SUGCT: variants seen among roughly 807,000 people sequenced by gnomAD.
The protein encoded by SUGCT is succinyl-CoA:glutarate CoA-transferase.
In SUGCT, 41 loss-of-function variants were observed where a neutral mutation model predicts 55.0. The observed-to-expected ratio is 0.74, with a 90% CI of 0.58 to 0.97. SUGCT has a LOEUF of 0.97. Among genes scored for constraint, SUGCT ranks in the 50% least tolerant of loss-of-function variants. The pLI is 0.00. For synonymous variants in SUGCT, 187 were observed against 200.4 expected (o/e 0.93, Z 0.56); for missense variants, 568 against 547.8 (o/e 1.04, Z -0.37).
chr7:40,672,492 G>A (rs1380767309), intron 12 of SUGCT, among the ~76,000 whole-genome samples: 1 of 152,114 alleles, frequency 6.6e-6, no homozygotes, highest in Admixed American at 6.5e-5. Context: ...CCTTTTATAT[G>A]TACATTCTTG....
chr7:40,781,817 T>C (rs1474524972), intron 13 of SUGCT, among the ~76,000 whole-genome samples: 1 of 152,164 alleles, frequency 6.6e-6, no homozygotes, highest in Non-Finnish European at 1.5e-5. Context: ...CAAATGGTTA[T>C]CCCTGTTTTC....
the SUGCT span, among the ~76,000 whole-genome samples, chr7:40,910,705 A>G: frequency 6.6e-6 from 1 of 151,922 alleles, no homozygotes; most frequent in South Asian, 2.1e-4. Flanking sequence ...ATAAGTGCTA[A>G]TAATAATGGT....
the SUGCT span, among the ~76,000 whole-genome samples, chr7:40,993,305 C>T: frequency 6.6e-6 from 1 of 152,070 alleles, no homozygotes; most frequent in African/African-American, 2.4e-5. Context: ...GTTCTGTGCA[C>T]TGTGTTTGCT....
intron 9 of SUGCT, among the ~76,000 whole-genome samples, chr7:40,413,495 A>G (rs1365974361): frequency 2.6e-5 from 4 of 152,200 alleles, no homozygotes; most frequent in Non-Finnish European, 4.4e-5. Flanking sequence ...CTTTAAGAAA[A>G]TAGAGGAAAA....
chr7:40,713,479 G>A (rs766939408), intron 12 of SUGCT, among the ~76,000 whole-genome samples: 66 of 152,310 alleles, frequency 4.3e-4, no homozygotes, highest in Admixed American at 1.0e-3. Context: ...CATGGTCAGG[G>A]TGTTATCACA....
intron 12 of SUGCT, among the ~76,000 whole-genome samples, chr7:40,710,541 C>T (rs537195868): frequency 1.3e-5 from 2 of 152,064 alleles, no homozygotes; most frequent in Admixed American, 1.3e-4. Flanking sequence ...TCCTCTAGAT[C>T]TTCATAAAAA....
intron 12 of SUGCT, among the ~76,000 whole-genome samples, chr7:40,636,181 G>C (rs1800013626): frequency 6.6e-6 from 1 of 152,198 alleles, no homozygotes; most frequent in Non-Finnish European, 1.5e-5. Flanking sequence ...GCTTGTCTCT[G>C]TTTCACATGA....
chr7:40,781,987 G>T (rs1409536782), intron 13 of SUGCT, among the ~76,000 whole-genome samples: 4 of 152,048 alleles, frequency 2.6e-5, no homozygotes, highest in Non-Finnish European at 5.9e-5. Flanking sequence ...AAATGTTAAA[G>T]ACAATGTTAT....
At chr7:40,219,890 TAAC>T (rs201694063) in intron 6 of SUGCT, among the ~76,000 whole-genome samples, 2,657 of 152,226 alleles carry the variant, frequency 0.017, 73 homozygotes, top group African/African-American at 0.062. Flanking sequence ...CACTCCCTTA[TAAC>T]AAGTGTCAAT....
chr7:40,898,783 C>T, the SUGCT span, among the ~76,000 whole-genome samples: 1 of 151,970 alleles, frequency 6.6e-6, no homozygotes, highest in Non-Finnish European at 1.5e-5. Flanking sequence ...ATTCTGGACA[C>T]AAAATGGGGT....
At chr7:40,650,679 A>G (rs1401036235) in intron 12 of SUGCT, among the ~76,000 whole-genome samples, 1 of 152,190 alleles carries the variant, frequency 6.6e-6, no homozygotes, top group Non-Finnish European at 1.5e-5. Flanking sequence ...GTTGCCTCAT[A>G]TTGCAGAATT....
the SUGCT span, among the ~76,000 whole-genome samples, chr7:40,881,188 C>G: frequency 1.3e-5 from 2 of 152,160 alleles, no homozygotes; most frequent in East Asian, 3.9e-4. Context: ...AGGCACCCAT[C>G]ATTAACTACT....
At chr7:40,389,813 A>T (rs905393213) in intron 9 of SUGCT, among the ~76,000 whole-genome samples, 1 of 152,006 alleles carries the variant, frequency 6.6e-6, no homozygotes, top group Non-Finnish European at 1.5e-5. Context: ...TGCACAGGCT[A>T]TGGCAGAGAC....
intron 7 of SUGCT, among the ~76,000 whole-genome samples, chr7:40,264,003 C>G (rs543703628): frequency 2.6e-5 from 4 of 152,084 alleles, no homozygotes; most frequent in Non-Finnish European, 1.5e-5. Flanking sequence ...AAATGATCTT[C>G]CTGTTCTGGT....
the SUGCT span, among the ~76,000 whole-genome samples, chr7:40,959,939 C>T: frequency 9.4e-4 from 143 of 152,258 alleles, no homozygotes; most frequent in Admixed American, 1.3e-3. Context: ...AGTTCCCTGA[C>T]CCCTTGTGCT....
At chr7:40,630,352 A>G (rs1230849259) in intron 12 of SUGCT, among the ~76,000 whole-genome samples, 1 of 152,152 alleles carries the variant, frequency 6.6e-6, no homozygotes, top group East Asian at 1.9e-4. Context: ...TTCTTCATCC[A>G]TGGCTTGATT....
chr7:40,285,343 G>A (rs937429733), intron 8 of SUGCT, among the ~76,000 whole-genome samples: 5 of 151,938 alleles, frequency 3.3e-5, no homozygotes, highest in Non-Finnish European at 5.9e-5. Context: ...TAATGATATC[G>A]GAATCATATA....
At chr7:40,483,200 G>T (rs1791150052) in intron 11 of SUGCT, among the ~76,000 whole-genome samples, 1 of 152,094 alleles carries the variant, frequency 6.6e-6, no homozygotes, top group Non-Finnish European at 1.5e-5. Context: ...CTCGAGGCTG[G>T]ATCTTACAGA....
chr7:40,614,534 T>C (rs1011035046), intron 12 of SUGCT, among the ~76,000 whole-genome samples: 1 of 152,302 alleles, frequency 6.6e-6, no homozygotes. Context: ...TAGTCATTGC[T>C]ATAGATGGAA....
Sources: allele counts gnomAD v4.1 joint callset (sites outside exome capture counted in the v4.1 genomes callset), GRCh38; gene constraint gnomAD v4.1.1; transcripts MANE v1.5; gene names NCBI Gene and HGNC (gene_info 2026-07-23, HGNC 2026-07-21).